PRIM2: variants seen among roughly 807,000 people sequenced by gnomAD.
PRIM2 encodes DNA primase subunit 2, also known as DNA primase large subunit.
Under a neutral mutation model 67.3 loss-of-function variants are expected in PRIM2, and 39 were observed. That is an observed-to-expected ratio of 0.58 (90% CI 0.45 to 0.76). The LOEUF (loss-of-function observed/expected upper bound fraction) is 0.76. Among genes scored for constraint, PRIM2 ranks in the 30% least tolerant of loss-of-function variants. The pLI is 0.00. For missense variants in PRIM2, 398 were observed against 598.7 expected (o/e 0.66, Z 3.50); for synonymous variants, 143 against 198.7 (o/e 0.72, Z 2.36).
At chr6:57,233,864 T>C in the PRIM2 span, among the ~76,000 whole-genome samples, 1 of 152,142 alleles carries the variant, frequency 6.6e-6, no homozygotes, top group African/African-American at 2.4e-5. Context: ...GATCTCACAA[T>C]GTTGCCCAGG....
At chr6:57,480,331 G>A (rs1396076908) in intron 7 of PRIM2, among the ~76,000 whole-genome samples, 5 of 152,072 alleles carry the variant, frequency 3.3e-5, no homozygotes, top group African/African-American at 1.2e-4. Context: ...AGTTGAAAAA[G>A]AAATGTATAG....
intron 10 of PRIM2, among the ~76,000 whole-genome samples, chr6:57,571,606 T>C (rs1775864352): frequency 1.3e-5 from 2 of 152,090 alleles, no homozygotes; most frequent in Admixed American, 6.5e-5. Flanking sequence ...GCCGAGATAG[T>C]GCCACTGCAC....
intron 10 of PRIM2, among the ~76,000 whole-genome samples, chr6:57,547,836 CTT>C (rs1248958170): frequency 1.3e-5 from 2 of 152,162 alleles, no homozygotes; most frequent in African/African-American, 4.8e-5. Context: ...TAAGAACAAA[CTT>C]GTGTTGTTAA....
chr6:57,241,515 G>GA, the PRIM2 span, among the ~76,000 whole-genome samples: 10 of 146,084 alleles, frequency 6.8e-5, no homozygotes, highest in Middle Eastern at 3.5e-3. Flanking sequence ...ATGGCAAGCA[G>GA]AAAAAAAAAA....
intron 8 of PRIM2, among the ~76,000 whole-genome samples, chr6:57,515,909 G>T (rs1554348209): frequency 6.6e-6 from 1 of 152,126 alleles, no homozygotes; most frequent in African/African-American, 2.4e-5. Flanking sequence ...CTCTGGGGAA[G>T]AATTTACTTC....
chr6:57,613,661 A>G (rs1273484158), intron 12 of PRIM2, among the ~76,000 whole-genome samples: 1 of 152,162 alleles, frequency 6.6e-6, no homozygotes, highest in East Asian at 1.9e-4. Context: ...CAATTCCAGC[A>G]ATAGCAGTAT....
intron 7 of PRIM2, among the ~76,000 whole-genome samples, chr6:57,452,489 G>T (rs1772590178): frequency 6.6e-6 from 1 of 152,212 alleles, no homozygotes. Context: ...ACTGGTGTGA[G>T]ATGGTATCTG....
chr6:57,557,411 C>T (rs1392279799), intron 10 of PRIM2, among the ~76,000 whole-genome samples: 4 of 152,128 alleles, frequency 2.6e-5, no homozygotes, highest in Admixed American at 6.6e-5. Flanking sequence ...ATGTGGTACA[C>T]ATATACCATG....
chr6:57,352,720 C>G (rs1006286208), intron 5 of PRIM2, among the ~76,000 whole-genome samples: 1 of 128,286 alleles, frequency 7.8e-6, no homozygotes, highest in African/African-American at 2.6e-5. Context: ...TATCTGGCAC[C>G]GTTTTTTAGT....
intron 10 of PRIM2, among the ~76,000 whole-genome samples, chr6:57,557,753 T>C (rs1775543071): frequency 6.6e-6 from 1 of 150,766 alleles, no homozygotes. Flanking sequence ...CCTGCACATA[T>C]CCCCCAAACT....
intron 10 of PRIM2, among the ~76,000 whole-genome samples, chr6:57,586,759 C>A (rs1776195705): frequency 6.6e-6 from 1 of 152,116 alleles, no homozygotes. Flanking sequence ...CCCAGGCTTG[C>A]CAAAGGCTCT....
At chr6:57,427,495 T>G (rs1323862583) in intron 7 of PRIM2, among the ~76,000 whole-genome samples, 1 of 152,120 alleles carries the variant, frequency 6.6e-6, no homozygotes, top group Non-Finnish European at 1.5e-5. Context: ...ATTTTTGTAT[T>G]TTAGTGAGGA....
At chr6:57,630,604 A>G (rs2127499192) in intron 12 of PRIM2, among the ~76,000 whole-genome samples, 1 of 151,824 alleles carries the variant, frequency 6.6e-6, no homozygotes, top group African/African-American at 2.4e-5. Context: ...ATCATGTTAC[A>G]TATTTACTTT....
At chr6:57,551,136 GAC>G (rs1374460108) in intron 10 of PRIM2, among the ~76,000 whole-genome samples, 4 of 152,110 alleles carry the variant, frequency 2.6e-5, no homozygotes, top group Non-Finnish European at 4.4e-5. Context: ...AAAATAACCA[GAC>G]AGTTATTTTG....
At chr6:57,387,443 A>C (rs974611490) in intron 7 of PRIM2, among the ~76,000 whole-genome samples, 4 of 152,176 alleles carry the variant, frequency 2.6e-5, no homozygotes, top group Middle Eastern at 3.2e-3. Flanking sequence ...GAGAGGCCAA[A>C]GTAATTTGTC....
In PRIM2 at chr6:57,475,822, T is replaced by C. The variant is rs1304046583; in HGVS notation, c.694-31565T>C. Among the ~76,000 whole-genome samples, 6 of 152,322 alleles carry C rather than the reference T, an allele frequency of 3.9e-5. No individual in the cohort carries two copies. In the East Asian group the frequency reaches 9.7e-4, roughly 25 times the overall value. Reference sequence around the variant, plus strand: ...AAACACTATGTTAGGTTTTATGATATATACAAACGTAAGAGACATGGCACG... The same window carrying C: ...AAACACTATGTTAGGTTTTATGATACATACAAACGTAAGAGACATGGCACG... On this transcript the variant is annotated intron_variant, in intron 7 of 13. Transcript: ENST00000615550.
chr6:57,251,497 G>A, the PRIM2 span, among the ~76,000 whole-genome samples: 1 of 152,184 alleles, frequency 6.6e-6, no homozygotes, highest in Non-Finnish European at 1.5e-5. Context: ...TGACTCTTCT[G>A]TTGAATCAGT....
chr6:57,248,880 C>T, the PRIM2 span, among the ~76,000 whole-genome samples: 1 of 152,216 alleles, frequency 6.6e-6, no homozygotes, highest in Non-Finnish European at 1.5e-5. Context: ...TTGAAAGCTA[C>T]CTTACAGTGA....
At chr6:57,307,713 T>C in the PRIM2 span, among the ~76,000 whole-genome samples, 1 of 151,976 alleles carries the variant, frequency 6.6e-6, no homozygotes, top group African/African-American at 2.4e-5. Context: ...TCCTTTAGAG[T>C]CTGTTGCCAC....
Sources: allele counts gnomAD v4.1 joint callset (sites outside exome capture counted in the v4.1 genomes callset), GRCh38; gene constraint gnomAD v4.1.1; transcripts MANE v1.5; gene names NCBI Gene and HGNC (gene_info 2026-07-23, HGNC 2026-07-21).